The following PLXNC1 variants were observed in gnomAD, a reference collection of about 807,000 sequenced individuals.
PLXNC1 encodes the protein plexin-C1.
A neutral mutation model predicts 178.2 loss-of-function variants in PLXNC1; 75 were observed. The observed-to-expected ratio is 0.42, with a 90% CI of 0.35 to 0.51. PLXNC1 has a LOEUF of 0.51. PLXNC1 is among the 20% of genes least tolerant of loss of function. The pLI is 0.02. For missense variants in PLXNC1, 1,503 were observed against 1,984.4 expected (o/e 0.76, Z 4.61); for synonymous variants, 790 against 779.9 (o/e 1.01, Z -0.22).
chr12:94,163,790 G>A (rs1037597780), intron 1 of PLXNC1, among the ~76,000 whole-genome samples: 3 of 152,070 alleles, frequency 2.0e-5, no homozygotes, highest in African/African-American at 4.8e-5. Flanking sequence ...TCCTTCAGAC[G>A]ATCAGAGAGC....
intron 4 of PLXNC1, among the ~76,000 whole-genome samples, chr12:94,204,278 C>T (rs570186425): frequency 1.3e-4 from 20 of 152,352 alleles, no homozygotes; most frequent in African/African-American, 4.8e-4. Context: ...CTTACTATCC[C>T]TGTGACCTTA....
chr12:94,300,760 C>T (rs544415472), intron 27 of PLXNC1, 150 bp from the exon 28 acceptor site: 12 of 526,626 alleles, frequency 2.3e-5, no homozygotes, highest in Admixed American at 1.3e-4. Flanking sequence ...CTCCAAGTGA[C>T]GCTTCTGTCT....
chr12:94,211,474 A>G (rs1027289817), intron 5 of PLXNC1, among the ~76,000 whole-genome samples: 1 of 152,210 alleles, frequency 6.6e-6, no homozygotes, highest in Non-Finnish European at 1.5e-5. Context: ...TCTTTGTTTA[A>G]ATAAACCTGA....
chr12:94,300,677 A>T (rs1164002455), intron 27 of PLXNC1, among the ~76,000 whole-genome samples: 1 of 152,202 alleles, frequency 6.6e-6, no homozygotes, highest in African/African-American at 2.4e-5. Flanking sequence ...ATTCTTGCCC[A>T]TGGCCACTTT....
At chr12:94,299,148 TG>T (rs1389158862) in intron 27 of PLXNC1, among the ~76,000 whole-genome samples, 3 of 152,264 alleles carry the variant, frequency 2.0e-5, no homozygotes, top group Non-Finnish European at 4.4e-5. Flanking sequence ...AACCATTTTT[TG>T]TTCCTAATCG....
intron 21 of PLXNC1, among the ~76,000 whole-genome samples, chr12:94,270,061 CTA>C (rs1416754674): frequency 2.0e-5 from 3 of 152,074 alleles, no homozygotes; most frequent in African/African-American, 7.2e-5. Context: ...AAATGTGACT[CTA>C]TTATGTTATT....
chr12:94,287,171 T>C (rs1966854380), intron 23 of PLXNC1, among the ~76,000 whole-genome samples: 1 of 152,232 alleles, frequency 6.6e-6, no homozygotes, highest in African/African-American at 2.4e-5. Flanking sequence ...GCATTTCTGT[T>C]CCAGTGTCAT....
chr12:94,240,784 T>C, intron 11 of PLXNC1, 120 bp downstream of exon 11: 1 of 784,526 alleles, frequency 1.3e-6, no homozygotes, highest in Non-Finnish European at 2.1e-6. Context: ...CTCACCGAGT[T>C]CTCCTTAGGA....
chr12:94,293,180 T>G (rs903683361), intron 23 of PLXNC1, among the ~76,000 whole-genome samples: 11 of 152,246 alleles, frequency 7.2e-5, no homozygotes, highest in Non-Finnish European at 1.6e-4. Flanking sequence ...TTGCTCATTT[T>G]CATTGTTTTA....
rs754373428 is a variant in PLXNC1, at chr12:94,305,745, C to G, written c.*460C>G. ...CAAGGTGGGGGTGTTAGGGCAACCTCGAGGATTTGCAGCATTGAAACTTTC... is the reference window on the plus strand; with the variant it reads ...CAAGGTGGGGGTGTTAGGGCAACCTGGAGGATTTGCAGCATTGAAACTTTC... On this transcript the variant is annotated 3_prime_UTR_variant, in exon 31 of 31. Transcript: ENST00000258526. The G allele has an allele frequency of 2.0e-5, 3 of 152,902 alleles. No homozygotes were observed. Among genetic ancestry groups the G allele is most frequent in the Non-Finnish European group, 2.9e-5 (2 of 68,584 alleles). 9.5% of individuals were successfully genotyped at this position (152,902 alleles called of 1,614,324 possible).
At chr12:94,304,105 G>C (rs1164376657) in intron 30 of PLXNC1, 54 bp downstream of exon 30, 2 of 1,108,134 alleles carry the variant, frequency 1.8e-6, no homozygotes, top group African/African-American at 3.1e-5. Flanking sequence ...CAAGGATGTG[G>C]TTATAGCATT....
At chr12:94,255,381 C>A in intron 17 of PLXNC1, 85 bp downstream of exon 17, 1 of 926,776 alleles carries the variant, frequency 1.1e-6, no homozygotes, top group South Asian at 1.3e-5. Flanking sequence ...CGAGTGTTTG[C>A]TTCCAAGGCA....
At chr12:94,221,961 A>T (rs1432745645) in intron 6 of PLXNC1, among the ~76,000 whole-genome samples, 1 of 152,214 alleles carries the variant, frequency 6.6e-6, no homozygotes, top group African/African-American at 2.4e-5. Flanking sequence ...TTCTGACCAT[A>T]GCACCCAATT....
chr12:94,281,193 T>A (rs1966412394), intron 22 of PLXNC1, among the ~76,000 whole-genome samples: 1 of 152,102 alleles, frequency 6.6e-6, no homozygotes, highest in Non-Finnish European at 1.5e-5. Context: ...GCAGAAGAAC[T>A]GCTTGAACCC....
intron 2 of PLXNC1, among the ~76,000 whole-genome samples, chr12:94,172,783 G>T (rs1322215995): frequency 6.6e-6 from 1 of 152,170 alleles, no homozygotes; most frequent in Non-Finnish European, 1.5e-5. Flanking sequence ...CACTTTTAAA[G>T]TATCTTTAAA....
chr12:94,265,054 CTG>C lies in PLXNC1; in HGVS notation c.3451-23_3451-22del, dbSNP rs758649033. On this transcript the variant is annotated intron_variant, in intron 20 of 30. Coordinates refer to ENST00000258526, the MANE Select transcript of PLXNC1 (RefSeq NM_005761.3). ...TACAGTGGATTCCACAGAAAGCTAACTGTCACTTTTGTGTCTTTTCCAAGGAG... is the reference window on the plus strand; with the variant it reads ...TACAGTGGATTCCACAGAAAGCTAACTCACTTTTGTGTCTTTTCCAAGGAG... The C allele has an allele frequency of 6.2e-6, 10 of 1,611,268 alleles. No individual in the cohort carries two copies. In the Admixed American group the frequency reaches 6.7e-5, roughly 11 times the overall value.
chr12:94,155,334 C>A (rs1209704935), intron 1 of PLXNC1, among the ~76,000 whole-genome samples: 2 of 152,180 alleles, frequency 1.3e-5, no homozygotes, highest in Non-Finnish European at 2.9e-5. Flanking sequence ...CATTCTTGGA[C>A]CCTACACCAG....
intron 24 of PLXNC1, among the ~76,000 whole-genome samples, chr12:94,296,554 G>A (rs972900480): frequency 2.6e-5 from 4 of 152,074 alleles, no homozygotes; most frequent in Admixed American, 6.5e-5. Flanking sequence ...CTCACTCTGC[G>A]CTACTCTTGA....
At position 94,305,198 on chromosome 12, in the gene PLXNC1, A is replaced by G. The variant is rs758529822; in HGVS notation, c.4620A>G (p.Glu1540=). ...KYFDEILNKL[E]RERGLEEAQK... is the part of the protein sequence containing the mutation. ...GTCAACAGATTCTAAATAAACTAGAAAGAGAACGAGGGCTGGAAGAAGCTC... is the reference window on the plus strand; with the variant it reads ...GTCAACAGATTCTAAATAAACTAGAGAGAGAACGAGGGCTGGAAGAAGCTC... The change falls in exon 31 of 31, where the codon GAA becomes GAG. Residue 1540 remains glutamate, a synonymous_variant. Coordinates refer to ENST00000258526, the MANE Select transcript of PLXNC1 (RefSeq NM_005761.3). The G allele has an allele frequency of 6.2e-7, 1 of 1,607,238 alleles. No homozygotes were observed. The highest frequency in any genetic ancestry group is 1.1e-5 in the South Asian group (1 of 90,588).
Sources: allele counts gnomAD v4.1 joint callset (sites outside exome capture counted in the v4.1 genomes callset), GRCh38; gene constraint gnomAD v4.1.1; transcripts MANE v1.5; gene names NCBI Gene and HGNC (gene_info 2026-07-23, HGNC 2026-07-21).